Variants in SGCZ observed in about 807,000 individuals in gnomAD.
SGCZ encodes sarcoglycan zeta.
In SGCZ, 40 loss-of-function variants were observed where a neutral mutation model predicts 41.3. That is an observed-to-expected ratio of 0.97 (90% CI 0.75 to 1.26). The LOEUF is 1.26. Among genes scored for constraint, SGCZ ranks in the 50% most tolerant of loss-of-function variants. The pLI, the probability that SGCZ is intolerant of heterozygous loss-of-function variation, is 0.00. For missense variants in SGCZ, 552 were observed against 369.8 expected, an observed-to-expected ratio of 1.49 and a Z score of -4.04; for synonymous variants, 206 against 137.5, an observed-to-expected ratio of 1.50 and a Z score of -3.49.
intron 5 of SGCZ, among the ~76,000 whole-genome samples, chr8:14,148,500 G>A (rs928206498): frequency 1.3e-5 from 2 of 151,664 alleles, no homozygotes; most frequent in African/African-American, 2.4e-5. Flanking sequence ...TCCAAAACCT[G>A]AACAGACCAA....
intron 1 of SGCZ, among the ~76,000 whole-genome samples, chr8:14,948,028 C>G (rs915312189): frequency 6.6e-6 from 1 of 152,178 alleles, no homozygotes; most frequent in Non-Finnish European, 1.5e-5. Flanking sequence ...CCTTCTGAAA[C>G]TTCTTCATTA....
At chr8:14,461,134 G>T (rs944721580) in intron 2 of SGCZ, among the ~76,000 whole-genome samples, 1 of 151,964 alleles carries the variant, frequency 6.6e-6, no homozygotes, top group Non-Finnish European at 1.5e-5. Context: ...TCCTTCGCAG[G>T]GCTGCTGTCT....
chr8:14,171,154 A>T (rs74731932), intron 4 of SGCZ, among the ~76,000 whole-genome samples: 2 of 148,494 alleles, frequency 1.3e-5, no homozygotes, highest in Non-Finnish European at 3.0e-5. Flanking sequence ...TTCATTAAAA[A>T]AAAAAAAAAA....
chr8:14,463,260 T>G (rs1800952927), intron 2 of SGCZ, among the ~76,000 whole-genome samples: 1 of 151,532 alleles, frequency 6.6e-6, no homozygotes, highest in African/African-American at 2.4e-5. Context: ...AAAAAACAGC[T>G]TGAAAAAGAA....
At chr8:14,823,110 A>G (rs1449871600) in intron 1 of SGCZ, among the ~76,000 whole-genome samples, 1 of 150,850 alleles carries the variant, frequency 6.6e-6, no homozygotes, top group Non-Finnish European at 1.5e-5. Context: ...AAAACATGAA[A>G]CCGTGAAGCT....
intron 3 of SGCZ, among the ~76,000 whole-genome samples, chr8:14,310,567 C>T (rs543134774): frequency 4.7e-4 from 72 of 151,906 alleles, no homozygotes; most frequent in African/African-American, 1.7e-3. Flanking sequence ...AGGTTAGCAC[C>T]TTGTATTACT....
chr8:14,755,418 T>A (rs922081588), intron 1 of SGCZ, among the ~76,000 whole-genome samples: 1 of 115,138 alleles, frequency 8.7e-6, no homozygotes, highest in Non-Finnish European at 1.8e-5. Context: ...TGGGCTTTTT[T>A]AAGTGTCAGC....
At chr8:14,716,059 G>A (rs190399735) in intron 1 of SGCZ, among the ~76,000 whole-genome samples, 10 of 152,016 alleles carry the variant, frequency 6.6e-5, no homozygotes, top group East Asian at 1.9e-4. Context: ...GAAATGCTTC[G>A]GAAAATACCA....
At chr8:14,671,724 TGGATATAACATTA>T (rs1808108992) in intron 1 of SGCZ, among the ~76,000 whole-genome samples, 1 of 152,094 alleles carries the variant, frequency 6.6e-6, no homozygotes, top group Non-Finnish European at 1.5e-5. Context: ...AATAAATATT[TGGATATAACATTA>T]GGAATAATAA....
At chr8:14,959,577 A>G (rs1800899141) in intron 1 of SGCZ, among the ~76,000 whole-genome samples, 1 of 152,172 alleles carries the variant, frequency 6.6e-6, no homozygotes, top group Non-Finnish European at 1.5e-5. Context: ...TATTCAGTGT[A>G]TGGGCTTTTT....
intron 1 of SGCZ, among the ~76,000 whole-genome samples, chr8:15,210,923 C>G (rs1801215029): frequency 6.6e-6 from 1 of 151,910 alleles, no homozygotes; most frequent in African/African-American, 2.4e-5. Flanking sequence ...CTCCTTTATT[C>G]CCTCAGTCTT....
intron 4 of SGCZ, among the ~76,000 whole-genome samples, chr8:14,228,709 A>G (rs1806458426): frequency 6.6e-6 from 1 of 152,074 alleles, no homozygotes; most frequent in African/African-American, 2.4e-5. Context: ...ATATGTCTTA[A>G]AAGAGGCACA....
intron 5 of SGCZ, among the ~76,000 whole-genome samples, chr8:14,118,739 T>G (rs551314765): frequency 1.3e-5 from 2 of 152,298 alleles, no homozygotes; most frequent in South Asian, 4.1e-4. Context: ...AATTTTTGTA[T>G]AAGGTGCTAG....
chr8:14,243,492 G>A (rs922831900), intron 3 of SGCZ, among the ~76,000 whole-genome samples: 1 of 152,106 alleles, frequency 6.6e-6, no homozygotes, highest in Non-Finnish European at 1.5e-5. Context: ...TGAATGAAAA[G>A]AAAACAAAAC....
chr8:14,971,822 G>A (rs988186135), intron 1 of SGCZ, among the ~76,000 whole-genome samples: 1 of 151,566 alleles, frequency 6.6e-6, no homozygotes, highest in African/African-American at 2.4e-5. Flanking sequence ...GATAATCTTT[G>A]TATTTTTAGT....
intron 2 of SGCZ, among the ~76,000 whole-genome samples, chr8:14,406,806 G>C (rs1213709068): frequency 3.9e-5 from 6 of 152,090 alleles, no homozygotes; most frequent in Non-Finnish European, 7.4e-5. Flanking sequence ...AATTAAAAGT[G>C]GGTATAAATA....
chr8:15,133,811 C>T (rs1257882854), intron 1 of SGCZ, among the ~76,000 whole-genome samples: 1 of 151,944 alleles, frequency 6.6e-6, no homozygotes, highest in Non-Finnish European at 1.5e-5. Flanking sequence ...GAAAATGAGC[C>T]TAATGAGATT....
chr8:14,260,390 C>T (rs1264467957), intron 3 of SGCZ, among the ~76,000 whole-genome samples: 1 of 145,612 alleles, frequency 6.9e-6, no homozygotes, highest in Non-Finnish European at 1.5e-5. Flanking sequence ...ATCAAAACCA[C>T]AATGAGATAC....
At chr8:14,374,280 G>A (rs952236206) in intron 2 of SGCZ, among the ~76,000 whole-genome samples, 10 of 152,176 alleles carry the variant, frequency 6.6e-5, no homozygotes, top group Admixed American at 5.9e-4. Context: ...TCAGGAGGCT[G>A]AGATGGGAGG....
Sources: gnomAD v4.1 joint callset for allele counts (sites outside exome capture counted in the v4.1 genomes callset) on GRCh38, gnomAD v4.1.1 for gene constraint, MANE v1.5 for transcripts, NCBI Gene and HGNC (gene_info 2026-07-23, HGNC 2026-07-21) for gene names.